Variants in HOOK3 observed in about 807,000 individuals in gnomAD.
HOOK3 encodes the protein hook microtubule tethering protein 3.
In HOOK3, 24 loss-of-function variants were observed where a neutral mutation model predicts 116.3. That is an observed-to-expected ratio of 0.21 (90% CI 0.15 to 0.29). HOOK3 has a LOEUF of 0.29. HOOK3 is among the 10% of genes least tolerant of loss of function. HOOK3 has a pLI of 1.00. For missense variants in HOOK3, 632 were observed against 830.2 expected, an observed-to-expected ratio of 0.76 and a Z score of 2.93; for synonymous variants, 275 against 283.0, an observed-to-expected ratio of 0.97 and a Z score of 0.28.
intron 13 of HOOK3, among the ~76,000 whole-genome samples, chr8:42,976,040 A>ATGTGTGTGTG (rs10675533): frequency 2.9e-4 from 43 of 148,840 alleles, no homozygotes; most frequent in Middle Eastern, 3.6e-3. Context: ...GTATATATAT[A>ATGTGTGTGTG]TGTGTGTGTG....
At position 42,907,305 on chromosome 8, in the gene HOOK3, A is replaced by G. The variant is rs1586585199; in HGVS notation, c.143+1047A>G. Among the ~76,000 whole-genome samples the G allele has an allele frequency of 5.3e-5, 8 of 152,340 alleles. No individual in the cohort carries two copies. The South Asian group carries it at 8.3e-4, about 16-fold the overall frequency. Reference sequence around the variant, plus strand: ...GAGTTGCCATAGAGCTCAGATGCCAACATTTCAGATTATCTGTCTCTTTGC... The same window carrying G: ...GAGTTGCCATAGAGCTCAGATGCCAGCATTTCAGATTATCTGTCTCTTTGC... On this transcript the variant is annotated intron_variant, in intron 2 of 21. Coordinates refer to ENST00000307602, the MANE Select transcript of HOOK3 (RefSeq NM_032410.4).
chr8:42,963,178 A>T (rs761039818), intron 8 of HOOK3, among the ~76,000 whole-genome samples: 1 of 152,028 alleles, frequency 6.6e-6, no homozygotes, highest in African/African-American at 2.4e-5. Context: ...CTTATTGCTG[A>T]GTAGTAGTAC....
chr8:42,986,836 C>G, intron 15 of HOOK3, 41 bp downstream of exon 15: 7 of 1,593,922 alleles, frequency 4.4e-6, no homozygotes, highest in Non-Finnish European at 6.0e-6. Context: ...ATAAGTTTTC[C>G]CTATTTGCCT....
chr8:42,932,519 G>T (rs1001001792), intron 4 of HOOK3, among the ~76,000 whole-genome samples: 1 of 152,088 alleles, frequency 6.6e-6, no homozygotes, highest in Non-Finnish European at 1.5e-5. Flanking sequence ...AGAAGCCAAG[G>T]CTCATATGCA....
chr8:42,898,888 A>G (rs1451262293), intron 1 of HOOK3, among the ~76,000 whole-genome samples: 5 of 152,248 alleles, frequency 3.3e-5, no homozygotes, highest in Non-Finnish European at 7.3e-5. Context: ...CACTTACCTT[A>G]GCCTACAATT....
intron 14 of HOOK3, among the ~76,000 whole-genome samples, chr8:42,983,201 G>A (rs1441679665): frequency 2.0e-5 from 3 of 151,954 alleles, no homozygotes; most frequent in African/African-American, 7.3e-5. Flanking sequence ...ATGTGTGGTG[G>A]CGGGTGCCTG....
In HOOK3 at chr8:43,029,645, G is replaced by T. The variant is rs1284686168; in HGVS notation, c.*11147G>T. ...CCACCATTTACAATACTCAATTTTT[G>T]ATTATGAAATGAATAGTAAAATTCA... On this transcript the variant is annotated 3_prime_UTR_variant, in exon 22 of 22. Transcript: ENST00000307602. 2 of 190,950 alleles carry T rather than the reference G, an allele frequency of 1.0e-5. No individual in the cohort carries two copies. Among genetic ancestry groups the T allele is most frequent in the Non-Finnish European group, 2.2e-5 (2 of 91,398 alleles). 11.8% of individuals were successfully genotyped at this position (190,950 alleles called of 1,614,324 possible).
Position 42,910,180 on chromosome 8 carries a change from C to T in HOOK3, c.143+3922C>T, listed in dbSNP as rs560302082. ...CGATATCATAACATCAGTTTTGTAC[C>T]CATAAATATAGTTTGTCAATGTAAA... On this transcript the variant is annotated intron_variant, in intron 2 of 21. Transcript: ENST00000307602. Among the ~76,000 whole-genome samples the T allele has an allele frequency of 3.3e-5, 5 of 152,104 alleles. No individual in the cohort carries two copies. In the East Asian group the frequency reaches 7.7e-4, roughly 24 times the overall value.
chr8:42,934,646 G>C (rs1300010107), intron 4 of HOOK3, among the ~76,000 whole-genome samples: 2 of 151,758 alleles, frequency 1.3e-5, no homozygotes, highest in Non-Finnish European at 2.9e-5. Context: ...TGCGGTGTTT[G>C]GTTTTCTGTC....
chr8:42,930,355 T>TC (rs1325426141), intron 4 of HOOK3, among the ~76,000 whole-genome samples, 183 bp downstream of exon 4: 5 of 152,370 alleles, frequency 3.3e-5, no homozygotes, highest in African/African-American at 1.2e-4. Flanking sequence ...AGATGGATGA[T>TC]CCTTTTCACT....
rs191515838 is a variant in HOOK3 at position 42,919,077 on chromosome 8, C to T, written c.144-6480C>T. ...CCCACCTCCCGGACGGGGCGGCTGG[C>T]CGGGCGGGGGCTGCCCCCCATCACC... On this transcript the variant is annotated intron_variant, in intron 2 of 21. Transcript: ENST00000307602. 9.8e-3 allele frequency among the ~76,000 whole-genome samples: 1,472 copies of T among 150,152 alleles called. 27 individuals carry two copies. The highest frequency in any genetic ancestry group is 0.034 in the African/African-American group (1,390 of 40,656).
rs35656895 is a variant in HOOK3, at chr8:43,022,085, T to TAAAAAA, written c.*3602_*3607dup. The TAAAAAA allele has an allele frequency of 4.8e-4, 70 of 145,414 alleles. No individual in the cohort carries two copies. The highest frequency in any genetic ancestry group is 1.9e-3 in the African/African-American group (63 of 33,342). The allele number at this position is 145,414 out of a possible 1,614,324, so 9.0% of individuals were successfully genotyped here. On this transcript the variant is annotated 3_prime_UTR_variant, in exon 22 of 22. Transcript: ENST00000307602. ...TGTTTAAAAACAAAACAGGCTGTTGTAAAAAAAAAAAAAAAAAAAACTTCT... is the reference window on the plus strand; with the variant it reads ...TGTTTAAAAACAAAACAGGCTGTTGTAAAAAAAAAAAAAAAAAAAAAAAAAACTTCT...
chr8:43,020,818 C>T lies in HOOK3; in HGVS notation c.*2320C>T, dbSNP rs1809810733. The T allele has an allele frequency of 2.7e-5, 5 of 184,306 alleles. No individual in the cohort carries two copies. Among genetic ancestry groups the T allele is most frequent in the Non-Finnish European group, 1.1e-5 (1 of 87,044 alleles). 11.4% of individuals were successfully genotyped at this position (184,306 alleles called of 1,614,324 possible). A position where few individuals can be genotyped will look rare whatever the true frequency, so the allele number is the denominator to read the frequency against. On this transcript the variant is annotated 3_prime_UTR_variant, in exon 22 of 22. Coordinates refer to ENST00000307602, the MANE Select transcript of HOOK3 (RefSeq NM_032410.4). ...TGCAGAATATGATGGATGAAAACAA[C>T]AGCCAGGTGCAGTGGCTCACGCGTA...
intron 11 of HOOK3, among the ~76,000 whole-genome samples, chr8:42,970,379 T>C (rs1045811774): frequency 1.3e-5 from 2 of 152,222 alleles, no homozygotes; most frequent in African/African-American, 4.8e-5. Context: ...TACTTTGTCC[T>C]TTTTCAAAAG....
At chr8:43,004,060 C>A (rs1310518255) in intron 17 of HOOK3, among the ~76,000 whole-genome samples, 1 of 152,126 alleles carries the variant, frequency 6.6e-6, no homozygotes, top group African/African-American at 2.4e-5. Flanking sequence ...ATATGGCCAG[C>A]CTCATGCATA....
Position 43,027,191 on chromosome 8 carries a change from A to T in HOOK3, c.*8693A>T, listed in dbSNP as rs572619890. ...ATTATAGGCGTGAGCCACCATGCCC[A>T]GTGAACTTGGCCATTTTCTTACATT... On this transcript the variant is annotated 3_prime_UTR_variant, in exon 22 of 22. Transcript: ENST00000307602. 1 of 235,150 alleles carries T rather than the reference A, an allele frequency of 4.3e-6. No homozygotes were observed. Among genetic ancestry groups the T allele is most frequent in the East Asian group, 8.1e-5 (1 of 12,304 alleles). 14.6% of individuals were successfully genotyped at this position (235,150 alleles called of 1,614,324 possible). A position where few individuals can be genotyped will look rare whatever the true frequency, so the allele number is the denominator to read the frequency against.
chr8:42,944,005 A>T (rs1435663143), intron 5 of HOOK3, among the ~76,000 whole-genome samples: 2 of 152,232 alleles, frequency 1.3e-5, no homozygotes, highest in Non-Finnish European at 2.9e-5. Context: ...TTCCTTAAGA[A>T]ATCACTCCCT....
At chr8:42,959,082 G>A in intron 7 of HOOK3, 149 bp from the exon 8 acceptor site, 1 of 585,314 alleles carries the variant, frequency 1.7e-6, no homozygotes, top group South Asian at 2.2e-5. Flanking sequence ...TGCTGTGTTT[G>A]TACTCTTCCA....
chr8:42,951,292 C>T (rs569086990), intron 6 of HOOK3, among the ~76,000 whole-genome samples: 1 of 150,210 alleles, frequency 6.7e-6, no homozygotes, highest in African/African-American at 2.4e-5. Context: ...AACTCCTGAG[C>T]CTCAGGTGAT....
Sources: allele counts gnomAD v4.1 joint callset (sites outside exome capture counted in the v4.1 genomes callset), GRCh38; gene constraint gnomAD v4.1.1; transcripts MANE v1.5; gene names NCBI Gene and HGNC (gene_info 2026-07-23, HGNC 2026-07-21).